The following ZYG11A variants were observed in gnomAD, a reference collection of about 807,000 sequenced individuals.
ZYG11A encodes zyg-11 family member A, cell cycle regulator, also known as protein zyg-11 homolog A.
Under a neutral mutation model 77.2 loss-of-function variants are expected in ZYG11A, and 62 were observed. The observed-to-expected ratio is 0.80, with a 90% confidence interval of 0.65 to 0.99. The LOEUF (loss-of-function observed/expected upper bound fraction) is 0.99. Ranked by LOEUF, ZYG11A falls within the 50% of genes least tolerant of loss-of-function variation. The probability of loss-of-function intolerance (pLI) is 0.00; values close to 1 mark genes in which losing one functional copy is unlikely to be tolerated. For missense variants in ZYG11A, 828 were observed against 896.8 expected, an observed-to-expected ratio of 0.92 and a Z score of 0.98; for synonymous variants, 315 against 324.6, an observed-to-expected ratio of 0.97 and a Z score of 0.32.
At chr1:52,848,132 G>A (rs774484363) in intron 1 of ZYG11A, among the ~76,000 whole-genome samples, 1 of 152,050 alleles carries the variant, frequency 6.6e-6, no homozygotes, top group Non-Finnish European at 1.5e-5. Context: ...GTCTCCCAAA[G>A]TGCTGGGATT....
intron 1 of ZYG11A, among the ~76,000 whole-genome samples, chr1:52,848,195 G>A (rs1279158298): frequency 6.6e-6 from 1 of 152,110 alleles, no homozygotes; most frequent in African/African-American, 2.4e-5. Context: ...TAGAGACGGG[G>A]TTTCACCATG....
At chr1:52,870,853 A>C (rs77602855) in intron 8 of ZYG11A, among the ~76,000 whole-genome samples, 1 of 151,464 alleles carries the variant, frequency 6.6e-6, no homozygotes, top group Non-Finnish European at 1.5e-5. Flanking sequence ...AGACAGTAGA[A>C]AGAGAGGGAG....
At chr1:52,847,684 T>C (rs76393919) in intron 1 of ZYG11A, among the ~76,000 whole-genome samples, 8,397 of 150,226 alleles carry the variant, frequency 0.056, 358 homozygotes, top group African/African-American at 0.13. Flanking sequence ...TTTTTTTTTT[T>C]CCTTGGGACG....
intron 1 of ZYG11A, among the ~76,000 whole-genome samples, chr1:52,852,590 A>G (rs1414263560): frequency 6.6e-6 from 1 of 151,974 alleles, no homozygotes; most frequent in African/African-American, 2.4e-5. Flanking sequence ...TCTCAAACTC[A>G]TGACCTCAAG....
At chr1:52,853,615 G>T (rs1014820428) in intron 1 of ZYG11A, among the ~76,000 whole-genome samples, 1 of 152,122 alleles carries the variant, frequency 6.6e-6, no homozygotes, top group Non-Finnish European at 1.5e-5. Flanking sequence ...AGGGTTAAGA[G>T]AACTTAATAT....
chr1:52,872,571 ATTAT>A (rs1202495074), intron 8 of ZYG11A, among the ~76,000 whole-genome samples: 2 of 150,464 alleles, frequency 1.3e-5, no homozygotes, highest in Non-Finnish European at 3.0e-5. Flanking sequence ...TATTAATTAT[ATTAT>A]TTATTATTTA....
chr1:52,871,700 A>G, intron 8 of ZYG11A, among the ~76,000 whole-genome samples: 1 of 152,092 alleles, frequency 6.6e-6, no homozygotes, highest in Non-Finnish European at 1.5e-5. Context: ...CCTGGTCACT[A>G]ACTTTATCAA....
At chr1:52,855,092 G>A (rs567127441) in intron 2 of ZYG11A, among the ~76,000 whole-genome samples, 52 of 151,846 alleles carry the variant, frequency 3.4e-4, no homozygotes, top group African/African-American at 1.3e-3. Context: ...GAACTCCTGA[G>A]TTCAGATGAT....
At chr1:52,850,598 G>A (rs545118446) in intron 1 of ZYG11A, among the ~76,000 whole-genome samples, 21 of 152,200 alleles carry the variant, frequency 1.4e-4, no homozygotes, top group African/African-American at 4.6e-4. Context: ...GATTATAGGC[G>A]TGAGCCACCG....
At chr1:52,879,603 G>A (rs1008462949) in intron 10 of ZYG11A, among the ~76,000 whole-genome samples, 2 of 152,034 alleles carry the variant, frequency 1.3e-5, no homozygotes, top group Non-Finnish European at 2.9e-5. Flanking sequence ...GAGGAACACT[G>A]TAAAATGGAA....
chr1:52,883,513 C>T (rs892403821), intron 11 of ZYG11A, among the ~76,000 whole-genome samples: 6 of 151,738 alleles, frequency 4.0e-5, no homozygotes, highest in Admixed American at 1.3e-4. Context: ...TTGCATCCTC[C>T]ACCTCCTGGG....
chr1:52,849,886 G>A (rs1327242154), intron 1 of ZYG11A, among the ~76,000 whole-genome samples: 3 of 151,176 alleles, frequency 2.0e-5, no homozygotes, highest in Middle Eastern at 3.2e-3. Flanking sequence ...GGGTTTCACC[G>A]TGTTAGCCAG....
chr1:52,885,164 C>A (rs1472556266), intron 11 of ZYG11A, among the ~76,000 whole-genome samples: 1 of 152,124 alleles, frequency 6.6e-6, no homozygotes, highest in Non-Finnish European at 1.5e-5. Context: ...CCCGCCTTGG[C>A]CTCCCAAGTG....
At position 52,847,135 on chromosome 1, in the gene ZYG11A, C is replaced by T. The variant is rs569188765; in HGVS notation, c.90+4162C>T. On this transcript the variant is annotated intron_variant, in intron 1 of 13. Coordinates refer to ENST00000371528, the MANE Select transcript of ZYG11A (RefSeq NM_001004339.3). Reference sequence around the variant, plus strand: ...GAGTGCGGTGGCGTGATCTCGATCTCGGCTCACTGCAGCCTCCGCCTCCCA... The same window carrying T: ...GAGTGCGGTGGCGTGATCTCGATCTTGGCTCACTGCAGCCTCCGCCTCCCA... Among the ~76,000 whole-genome samples the T allele has an allele frequency of 3.9e-5, 6 of 152,080 alleles. No homozygotes were observed. The South Asian group carries it at 6.2e-4, about 16-fold the overall frequency.
chr1:52,843,102 A>G, intron 1 of ZYG11A, 129 bp downstream of exon 1: 1 of 731,902 alleles, frequency 1.4e-6, no homozygotes, highest in Non-Finnish European at 2.0e-6. Context: ...GCTGCGGTCT[A>G]GATGCCGAGC....
chr1:52,888,943 T>C (rs973202496), intron 13 of ZYG11A, among the ~76,000 whole-genome samples: 4 of 152,112 alleles, frequency 2.6e-5, no homozygotes, highest in East Asian at 1.9e-4. Flanking sequence ...TAGCAGATGA[T>C]TGGATCAGAA....
intron 3 of ZYG11A, 117 bp from the exon 4 acceptor site, chr1:52,860,614 A>G (rs956389442): frequency 3.5e-6 from 4 of 1,156,718 alleles, no homozygotes; most frequent in Non-Finnish European, 4.9e-6. Flanking sequence ...GGAACATTTA[A>G]TTGAACATTT....
chr1:52,860,975 A>G, intron 4 of ZYG11A, 104 bp downstream of exon 4: 1 of 1,114,480 alleles, frequency 9.0e-7, no homozygotes, highest in Non-Finnish European at 1.3e-6. Context: ...TTTATTCTAT[A>G]GTGAGTCAAG....
At chr1:52,871,505 T>C (rs1195967211) in intron 8 of ZYG11A, among the ~76,000 whole-genome samples, 1 of 151,946 alleles carries the variant, frequency 6.6e-6, no homozygotes, top group South Asian at 2.1e-4. Context: ...TTTATCTTTT[T>C]TTTTTTTTTG....
Sources: allele counts gnomAD v4.1 joint callset (sites outside exome capture counted in the v4.1 genomes callset), GRCh38; gene constraint gnomAD v4.1.1; transcripts MANE v1.5; gene names NCBI Gene and HGNC (gene_info 2026-07-23, HGNC 2026-07-21).